Variants in RASAL3 observed in about 807,000 individuals in gnomAD.
The protein encoded by RASAL3 is RAS protein activator like-3.
In RASAL3, 74 loss-of-function variants were observed where a neutral mutation model predicts 105.5. The ratio of observed to expected loss-of-function variants is 0.70; its 90% CI spans 0.58 to 0.85. The LOEUF is 0.85. Among genes scored for constraint, RASAL3 ranks in the 40% least tolerant of loss-of-function variants. RASAL3 has a pLI of 0.00. For synonymous variants in RASAL3, 579 were observed against 591.6 expected (o/e 0.98, Z 0.31); for missense variants, 1,352 against 1,392.0 (o/e 0.97, Z 0.46).
Position 15,458,543 on chromosome 19 carries a change from G to A in RASAL3, c.775C>T (p.Pro259Ser). Reference sequence around the variant, plus strand: ...TCTACACTTACCTGAAAGCAGTGGGGCTCCCCCAGGAGGCTGGGGTGCAGT... The same window carrying A: ...TCTACACTTACCTGAAAGCAGTGGGACTCCCCCAGGAGGCTGGGGTGCAGT... ...WPLHPSLLGEPHCFQVTWTGG... is the reference protein window; with the variant it reads ...WPLHPSLLGESHCFQVTWTGG... The change falls in exon 7 of 18, where the codon CCC becomes TCC. Residue 259 changes from proline (P) to serine (S), a missense_variant. Pro to Ser is a moderately conservative substitution (Grantham distance 74). Coordinates refer to ENST00000343625, the MANE Select transcript of RASAL3 (RefSeq NM_022904.3). 1 of 1,613,804 alleles carries A rather than the reference G, an allele frequency of 6.2e-7. No individual in the cohort carries two copies. The highest frequency in any genetic ancestry group is 1.3e-5 in the African/African-American group (1 of 75,056).
At position 15,457,557 on chromosome 19, in the gene RASAL3, T is replaced by C; in HGVS notation, c.1166A>G (p.Glu389Gly). The C allele has an allele frequency of 8.6e-7, 1 of 1,162,762 alleles. No individual in the cohort carries two copies. Among genetic ancestry groups the C allele is most frequent in the Non-Finnish European group, 1.1e-6 (1 of 939,602 alleles). The allele number at this position is 1,162,762 out of a possible 1,614,324, so 72.0% of individuals were successfully genotyped here. ...GGCAGGCGCGCGTGGGGCGTCCAGCTCCTCCAGCGCCAGGGCCACGCGGCC... is the reference window on the plus strand; with the variant it reads ...GGCAGGCGCGCGTGGGGCGTCCAGCCCCTCCAGCGCCAGGGCCACGCGGCC... ...VLGRVALALEELDAPRAPAAG... is the reference protein window; with the variant it reads ...VLGRVALALEGLDAPRAPAAG... The change falls in exon 9 of 18, where the codon GAG becomes GGG. Residue 389 changes from glutamate (E) to glycine (G), a missense_variant. Glu to Gly is a moderately conservative substitution (Grantham distance 98). This residue lies in a region of RASAL3 where 920 missense variants were observed against 919.6 expected (regional missense o/e 1.00). Transcript: ENST00000343625. The surrounding 1 kb of genome is among the most constrained non-coding windows in gnomAD (Gnocchi z 8.6).
chr19:15,463,605 T>G (rs1860019818), intron 2 of RASAL3, among the ~76,000 whole-genome samples: 1 of 152,130 alleles, frequency 6.6e-6, no homozygotes. Flanking sequence ...TGGAGATCAT[T>G]ATTCTCACTG....
At position 15,454,667 on chromosome 19, in the gene RASAL3, T is replaced by TG; in HGVS notation, c.1947dup (p.Asn650GlnfsTer7). On this transcript the variant is annotated frameshift_variant, in exon 12 of 18. Coordinates refer to ENST00000343625, the MANE Select transcript of RASAL3 (RefSeq NM_022904.3). LOFTEE classifies it high-confidence loss of function. ...CTTCCCAGCACCTACGGGGCACGGT[T>TG]GGCGAGGTTCTGGATGACCTTGGCA... The TG allele has an allele frequency of 6.2e-7, 1 of 1,609,584 alleles. No individual in the cohort carries two copies. Among genetic ancestry groups the TG allele is most frequent in the South Asian group, 1.1e-5 (1 of 90,760 alleles).
In RASAL3 at chr19:15,457,003, G is replaced by A; in HGVS notation, c.1431+289C>T. 2.3e-6 allele frequency: 1 copy of A among 436,044 alleles called. No homozygotes were observed. Among genetic ancestry groups the A allele is most frequent in the African/African-American group, 2.0e-5 (1 of 49,574 alleles). 27.0% of individuals were successfully genotyped at this position (436,044 alleles called of 1,614,324 possible). ...CAGGCCCAGTCCTTCAAGGTGCCCC[G>A]CCCCTTACAGGTGCAGCTCAGCCCC... On this transcript the variant is annotated intron_variant, in intron 9 of 17. Coordinates refer to ENST00000343625, the MANE Select transcript of RASAL3 (RefSeq NM_022904.3). This position sits in a 1 kb window ranked among gnomAD's most constrained non-coding sequence, Gnocchi z 8.6.
chr19:15,453,055 C>T lies in RASAL3; in HGVS notation c.2670+52G>A. 1 of 1,608,364 alleles carries T rather than the reference C, an allele frequency of 6.2e-7. No individual in the cohort carries two copies. Among genetic ancestry groups the T allele is most frequent in the South Asian group, 1.1e-5 (1 of 90,082 alleles). Reference sequence around the variant, plus strand: ...ACTTGCCTGGCCCTTCAGTCTTCCCCAGTCGCGTCCCTGTTCCCACTCCCC... The same window carrying T: ...ACTTGCCTGGCCCTTCAGTCTTCCCTAGTCGCGTCCCTGTTCCCACTCCCC... On this transcript the variant is annotated intron_variant, in intron 15 of 17. Transcript: ENST00000343625. This position sits in a 1 kb window ranked among gnomAD's most constrained non-coding sequence, Gnocchi z 4.2.
In RASAL3 at chr19:15,461,570, T is replaced by G; in HGVS notation, c.366A>C (p.Pro122=). 6.5e-7 allele frequency: 1 copy of G among 1,536,650 alleles called. No individual in the cohort carries two copies. The highest frequency in any genetic ancestry group is 8.7e-7 in the Non-Finnish European group (1 of 1,147,320). The change falls in exon 3 of 18, where the codon CCA becomes CCC. Residue 122 remains proline (P), a synonymous_variant. Transcript: ENST00000343625. Reference sequence around the variant, plus strand: ...TGGGTGTGGGGGCCTCAGGGATCTGTGGGGTAGGGGGCTCCAGCTCTGGCT... The same window carrying G: ...TGGGTGTGGGGGCCTCAGGGATCTGGGGGGTAGGGGGCTCCAGCTCTGGCT... The part of the protein sequence containing the change: ...EPEPELEPPT[P]QIPEAPTPNV...
intron 1 of RASAL3, 61 bp from the exon 2 acceptor site, chr19:15,464,438 G>A: frequency 7.3e-7 from 1 of 1,362,856 alleles, no homozygotes; most frequent in Admixed American, 2.0e-5. Flanking sequence ...CCTCATCTCG[G>A]CCCCCTCCCC....
intron 3 of RASAL3, 34 bp from the exon 4 acceptor site, chr19:15,461,330 G>T (rs1970502132): frequency 6.2e-7 from 1 of 1,602,258 alleles, no homozygotes. Context: ...GTCAGAGAGG[G>T]GAGGCAGGCA....
chr19:15,454,021 C>T, intron 14 of RASAL3, 128 bp downstream of exon 14: 9 of 692,888 alleles, frequency 1.3e-5, no homozygotes, highest in Non-Finnish European at 1.7e-5. Flanking sequence ...CTTTCTATAA[C>T]CTGTGATTCC....
In RASAL3 at chr19:15,456,846, A is replaced by C; in HGVS notation, c.1432-200T>G. On this transcript the variant is annotated intron_variant, in intron 9 of 17. Transcript: ENST00000343625. This position sits in a 1 kb window ranked among gnomAD's most constrained non-coding sequence, Gnocchi z 4.4. ...CAGAAATTTAAGCCTTTCAGCGCTG[A>C]GGTGCAACCTGGGCCCCGCCCCTCA... The C allele has an allele frequency of 1.5e-6, 1 of 661,310 alleles. No individual in the cohort carries two copies. The highest frequency in any genetic ancestry group is 2.5e-6 in the Non-Finnish European group (1 of 394,044). The allele number at this position is 661,310 out of a possible 1,614,324, so 41.0% of individuals were successfully genotyped here.
chr19:15,456,887 C>A lies in RASAL3; in HGVS notation c.1432-241G>T. On this transcript the variant is annotated intron_variant, in intron 9 of 17. Coordinates refer to ENST00000343625, the MANE Select transcript of RASAL3 (RefSeq NM_022904.3). This position sits in a 1 kb window ranked among gnomAD's most constrained non-coding sequence, Gnocchi z 4.4. ...CCGCCCCTCACGCGTGATGCTCAGGCCCCTGTCGCAGCTGAAGCTTAGGCT... is the reference window on the plus strand; with the variant it reads ...CCGCCCCTCACGCGTGATGCTCAGGACCCTGTCGCAGCTGAAGCTTAGGCT... 1.7e-6 allele frequency: 1 copy of A among 574,538 alleles called. No homozygotes were observed. The highest frequency in any genetic ancestry group is 3.1e-6 in the Non-Finnish European group (1 of 323,478). 35.6% of individuals were successfully genotyped at this position (574,538 alleles called of 1,614,324 possible).
chr19:15,452,584 G>GT, intron 16 of RASAL3, 74 bp downstream of exon 16: 4 of 1,211,128 alleles, frequency 3.3e-6, no homozygotes, highest in South Asian at 3.4e-5. Flanking sequence ...TTGGGGGGGG[G>GT]GGGGAGGGCC....
Position 15,457,684 on chromosome 19 carries a change from C to T in RASAL3, c.1039G>A (p.Gly347Ser), listed in dbSNP as rs1270468737. 6.9e-7 allele frequency: 1 copy of T among 1,451,602 alleles called. No homozygotes were observed. The highest frequency in any genetic ancestry group is 3.0e-5 in the East Asian group (1 of 33,740). The allele number at this position is 1,451,602 out of a possible 1,614,324, so 89.9% of individuals were successfully genotyped here. A position where few individuals can be genotyped will look rare whatever the true frequency, so the allele number is the denominator to read the frequency against. ...LARTAPRAGP[G>S]QLFWAERFHF... ...AAGCGCTCGGCCCAGAAGAGCTGGC[C>T]TGGGCCGGCCCGAGGCGCCGTGCGT... Residue 347 changes from glycine to serine, a missense_variant, in exon 9 of 18, where the codon GGC becomes AGC. Gly to Ser is a moderately conservative substitution (Grantham distance 56). This residue lies in a region of RASAL3 where 920 missense variants were observed against 919.6 expected (regional missense o/e 1.00). Transcript: ENST00000343625. This position sits in a 1 kb window ranked among gnomAD's most constrained non-coding sequence, Gnocchi z 8.6.
intron 2 of RASAL3, among the ~76,000 whole-genome samples, chr19:15,463,795 TTACA>T (rs1206350010): frequency 1.3e-5 from 2 of 151,704 alleles, no homozygotes; most frequent in East Asian, 3.9e-4. Flanking sequence ...TATCACGGGT[TTACA>T]TTCACTGTTC....
intron 6 of RASAL3, among the ~76,000 whole-genome samples, chr19:15,459,456 G>A (rs1295419735): frequency 6.6e-6 from 1 of 151,366 alleles, no homozygotes; most frequent in African/African-American, 2.4e-5. Flanking sequence ...CGTTGGCCAG[G>A]CTGGTCTTGA....
chr19:15,452,771 C>G lies in RASAL3; in HGVS notation c.2715G>C (p.Gln905His). Residue 905 changes from glutamine (Q) to histidine (H), a missense_variant, in exon 16 of 18, where the codon CAG (glutamine) becomes CAC (histidine). By Grantham distance (24) the Gln-to-His change is conservative. Around this residue, in one of 3 missense-constraint regions of RASAL3, gnomAD observed 920 missense variants for 919.6 expected, o/e 1.00. Transcript: ENST00000343625. ...QCEVAALREEQKVLSRLVESL... is the reference protein window; with the variant it reads ...QCEVAALREEHKVLSRLVESL... The stretch of plus-strand genomic sequence containing the variant: ...ACTCCACGAGGCGGGACAGCACTTT[C>G]TGCTCCTCACGCAGAGCGGCCACCT... 1 of 1,564,128 alleles carries G rather than the reference C, an allele frequency of 6.4e-7. No individual in the cohort carries two copies. The highest frequency in any genetic ancestry group is 8.7e-7 in the Non-Finnish European group (1 of 1,153,880).
chr19:15,457,171 A>C lies in RASAL3; in HGVS notation c.1431+121T>G, dbSNP rs1970348253. 2 of 865,086 alleles carry C rather than the reference A, an allele frequency of 2.3e-6. No homozygotes were observed. The highest frequency in any genetic ancestry group is 4.2e-5 in the Admixed American group (1 of 23,704). The allele number at this position is 865,086 out of a possible 1,614,324, so 53.6% of individuals were successfully genotyped here. ...GTGACACTTGGACCACGCCCCTCAC[A>C]CCCCTTCAAGGTGTCTCCCCCATTA... On this transcript the variant is annotated intron_variant, in intron 9 of 17. Coordinates refer to ENST00000343625, the MANE Select transcript of RASAL3 (RefSeq NM_022904.3). The surrounding 1 kb of genome is among the most constrained non-coding windows in gnomAD (Gnocchi z 8.6).
chr19:15,456,780 C>A lies in RASAL3; in HGVS notation c.1432-134G>T. 2 of 1,111,418 alleles carry A rather than the reference C, an allele frequency of 1.8e-6. No homozygotes were observed. Among genetic ancestry groups the A allele is most frequent in the Non-Finnish European group, 2.5e-6 (2 of 790,130 alleles). The allele number at this position is 1,111,418 out of a possible 1,614,324, so 68.8% of individuals were successfully genotyped here. A position where few individuals can be genotyped will look rare whatever the true frequency, so the allele number is the denominator to read the frequency against. Reference sequence around the variant, plus strand: ...TGATGCTTAGGCCCAGTCCTTACTGCTGGGGCTCATAACCGAGGCCGGAAC... The same window carrying A: ...TGATGCTTAGGCCCAGTCCTTACTGATGGGGCTCATAACCGAGGCCGGAAC... On this transcript the variant is annotated intron_variant, in intron 9 of 17. Transcript: ENST00000343625. This position sits in a 1 kb window ranked among gnomAD's most constrained non-coding sequence, Gnocchi z 4.4.
rs201223399 is a variant in RASAL3, at chr19:15,461,128, G to A, written c.545-7C>T. 5.0e-6 allele frequency: 8 copies of A among 1,613,904 alleles called. No homozygotes were observed. Among genetic ancestry groups the A allele is most frequent in the Admixed American group, 3.3e-5 (2 of 59,996 alleles). ...GTTTTTCCAGGCATCCGATCTGTGG[G>A]TCGTTATGGGTGGCAGGTTGGGGGG... On this transcript the variant is annotated splice_polypyrimidine_tract_variant and splice_region_variant and intron_variant, in intron 4 of 17. Coordinates refer to ENST00000343625, the MANE Select transcript of RASAL3 (RefSeq NM_022904.3).
Sources: allele counts gnomAD v4.1 joint callset (sites outside exome capture counted in the v4.1 genomes callset), GRCh38; gene constraint gnomAD v4.1.1; regional missense constraint gnomAD v4.1.1; non-coding constraint Gnocchi (gnomAD v3.1); transcripts MANE v1.5; gene names NCBI Gene and HGNC (gene_info 2026-07-23, HGNC 2026-07-21).